FUT9: variants seen among roughly 807,000 people sequenced by gnomAD.
FUT9 encodes fucosyltransferase 9.
Under a neutral mutation model 29.7 loss-of-function variants are expected in FUT9, and 15 were observed. The ratio of observed to expected loss-of-function variants is 0.51; its 90% CI spans 0.34 to 0.78. The LOEUF (loss-of-function observed/expected upper bound fraction) is 0.78. Among genes scored for constraint, FUT9 ranks in the 30% least tolerant of loss-of-function variants. FUT9 has a pLI of 0.01. For synonymous variants in FUT9, 169 were observed against 153.7 expected, an observed-to-expected ratio of 1.10 and a Z score of -0.74; for missense variants, 319 against 425.4, an observed-to-expected ratio of 0.75 and a Z score of 2.20.
In FUT9 at chr6:96,097,694, T is replaced by G. The variant is rs140411713; in HGVS notation, c.-97-16345T>G. Among the ~76,000 whole-genome samples, 955 of 152,238 alleles carry G rather than the reference T, an allele frequency of 6.3e-3. 12 individuals carry two copies. The highest frequency in any genetic ancestry group is 0.021 in the African/African-American group (890 of 41,542). On this transcript the variant is annotated intron_variant, in intron 1 of 2. Transcript: ENST00000302103. ...CAATTTCTTACTCCATGAGCTCTAT[T>G]TAGATAGAGCTCTCTGTCTTCCCTA...
intron 2 of FUT9, among the ~76,000 whole-genome samples, chr6:96,189,017 G>A (rs1320593718): frequency 6.6e-6 from 1 of 152,060 alleles, no homozygotes; most frequent in Admixed American, 6.6e-5. Context: ...TTGATACTGT[G>A]GCAAATGCTG....
chr6:96,157,065 T>C (rs980266482), intron 2 of FUT9, among the ~76,000 whole-genome samples: 10 of 152,218 alleles, frequency 6.6e-5, no homozygotes, highest in African/African-American at 2.2e-4. Flanking sequence ...CCTAAAAGCC[T>C]ATCCCCAAAG....
intron 1 of FUT9, among the ~76,000 whole-genome samples, chr6:96,036,174 C>A (rs1439327999): frequency 6.7e-6 from 1 of 148,244 alleles, no homozygotes; most frequent in Admixed American, 6.9e-5. Context: ...ATATTTTGAG[C>A]CAAAACCTTT....
intron 1 of FUT9, among the ~76,000 whole-genome samples, chr6:96,045,794 A>G (rs1318231164): frequency 1.3e-5 from 2 of 152,196 alleles, no homozygotes; most frequent in Non-Finnish European, 2.9e-5. Context: ...GCAAGACTTC[A>G]GAGGAGGCAT....
chr6:96,051,162 A>G (rs1422751426), intron 1 of FUT9, among the ~76,000 whole-genome samples: 3 of 152,202 alleles, frequency 2.0e-5, no homozygotes, highest in African/African-American at 7.2e-5. Context: ...GCTAAACATT[A>G]TTTTAGGTTA....
At chr6:96,199,777 T>C (rs1045727378) in intron 2 of FUT9, among the ~76,000 whole-genome samples, 2 of 152,176 alleles carry the variant, frequency 1.3e-5, no homozygotes, top group Non-Finnish European at 2.9e-5. Context: ...TTTGTATATC[T>C]GGTTACCTAC....
intron 1 of FUT9, among the ~76,000 whole-genome samples, chr6:96,097,720 T>C (rs766402223): frequency 2.1e-4 from 32 of 152,122 alleles, no homozygotes; most frequent in Non-Finnish European, 4.1e-4. Context: ...GTCTTCCCTA[T>C]GGGATAATAA....
Position 96,069,003 on chromosome 6 carries a change from A to T in FUT9, c.-97-45036A>T, listed in dbSNP as rs148927628. On this transcript the variant is annotated intron_variant, in intron 1 of 2. Coordinates refer to ENST00000302103, the MANE Select transcript of FUT9 (RefSeq NM_006581.4). ...AGAAAATAGGATTCTATTTACAGAA[A>T]CAAATGTAAAATATGATAGTTAAGA... Among the ~76,000 whole-genome samples, 838 of 152,332 alleles carry T rather than the reference A, an allele frequency of 5.5e-3. 4 individuals are homozygous for T. The highest frequency in any genetic ancestry group is 0.019 in the African/African-American group (800 of 41,578).
chr6:96,150,481 T>C (rs904593751), intron 2 of FUT9, among the ~76,000 whole-genome samples: 3 of 152,106 alleles, frequency 2.0e-5, no homozygotes, highest in Admixed American at 2.0e-4. Flanking sequence ...GTGCAAAGCT[T>C]TGGAGGCCTG....
Position 96,208,247 on chromosome 6 carries a change from A to G in FUT9, c.*4012A>G, listed in dbSNP as rs529307043. On this transcript the variant is annotated 3_prime_UTR_variant, in exon 3 of 3. Coordinates refer to ENST00000302103, the MANE Select transcript of FUT9 (RefSeq NM_006581.4). ...TCAGCCTATTTTTAAACTAGATTCC[A>G]TGAGTCTTAAGGTAATATCCTAGAA... 2 of 158,484 alleles carry G rather than the reference A, an allele frequency of 1.3e-5. No homozygotes were observed. Among genetic ancestry groups the G allele is most frequent in the African/African-American group, 5.0e-5 (2 of 39,676 alleles). 9.8% of individuals were successfully genotyped at this position (158,484 alleles called of 1,614,324 possible).
rs77619737 is a variant in FUT9 at position 96,210,789 on chromosome 6, T to C, written c.*6554T>C. The C allele has an allele frequency of 1.8e-5, 3 of 166,988 alleles. No homozygotes were observed. The highest frequency in any genetic ancestry group is 3.9e-4 in the East Asian group (2 of 5,182). The allele number at this position is 166,988 out of a possible 1,614,324, so 10.3% of individuals were successfully genotyped here. On this transcript the variant is annotated 3_prime_UTR_variant, in exon 3 of 3. Transcript: ENST00000302103. ...TGATAGGTAATTTGCAATTGAGATA[T>C]GGCAAAGAATTGTAGCATCCAAATT... is the stretch of plus-strand genomic sequence containing the variant.
chr6:96,065,102 T>A (rs1281101076), intron 1 of FUT9, among the ~76,000 whole-genome samples: 1 of 152,138 alleles, frequency 6.6e-6, no homozygotes, highest in Non-Finnish European at 1.5e-5. Context: ...AACACTAGAT[T>A]AGATGTTTCT....
chr6:96,135,638 G>A (rs1772334511), intron 2 of FUT9, among the ~76,000 whole-genome samples: 2 of 151,846 alleles, frequency 1.3e-5, no homozygotes, highest in African/African-American at 4.8e-5. Context: ...GGAAAAAAAA[G>A]GTACCGGGGG....
chr6:96,176,352 GA>G (rs1488799553), intron 2 of FUT9, among the ~76,000 whole-genome samples: 7 of 151,150 alleles, frequency 4.6e-5, no homozygotes, highest in Non-Finnish European at 8.8e-5. Flanking sequence ...AATATACAAT[GA>G]TATATAATAT....
intron 2 of FUT9, among the ~76,000 whole-genome samples, chr6:96,167,016 T>A (rs1292193793): frequency 1.3e-5 from 2 of 152,148 alleles, no homozygotes; most frequent in Non-Finnish European, 2.9e-5. Flanking sequence ...AATCCATGGA[T>A]GCAAAACCAT....
At chr6:96,188,320 G>A (rs1773441492) in intron 2 of FUT9, among the ~76,000 whole-genome samples, 1 of 151,940 alleles carries the variant, frequency 6.6e-6, no homozygotes, top group South Asian at 2.1e-4. Flanking sequence ...AGGCTAGAGT[G>A]CAGTGGCACA....
rs1773811125 is a variant in FUT9, at chr6:96,205,469, A to G, written c.*1234A>G. The G allele has an allele frequency of 6.0e-6, 1 of 167,054 alleles. No homozygotes were observed. The highest frequency in any genetic ancestry group is 1.5e-5 in the Non-Finnish European group (1 of 68,102). The allele number at this position is 167,054 out of a possible 1,614,324, so 10.3% of individuals were successfully genotyped here. A position where few individuals can be genotyped will look rare whatever the true frequency, so the allele number is the denominator to read the frequency against. ...ATGACTTTTATATCCCATTTTGGTA[A>G]TTATTCATACATAGCACATATGACC... is the stretch of plus-strand genomic sequence containing the variant. On this transcript the variant is annotated 3_prime_UTR_variant, in exon 3 of 3. Transcript: ENST00000302103.
At chr6:96,019,547 G>C (rs189119630) in intron 1 of FUT9, among the ~76,000 whole-genome samples, 1 of 151,876 alleles carries the variant, frequency 6.6e-6, no homozygotes, top group Non-Finnish European at 1.5e-5. Flanking sequence ...TTAGCAGAAC[G>C]CATTCTTAGG....
chr6:96,140,248 C>A (rs1772437937), intron 2 of FUT9, among the ~76,000 whole-genome samples: 1 of 152,144 alleles, frequency 6.6e-6, no homozygotes, highest in South Asian at 2.1e-4. Context: ...CTTTACTGTC[C>A]ATATCACTAT....
Sources: gnomAD v4.1 joint callset for allele counts (sites outside exome capture counted in the v4.1 genomes callset) on GRCh38, gnomAD v4.1.1 for gene constraint, MANE v1.5 for transcripts, NCBI Gene and HGNC (gene_info 2026-07-23, HGNC 2026-07-21) for gene names.